The following SDC2 variants were observed in gnomAD, a reference collection of about 807,000 sequenced individuals.
SDC2 encodes the protein syndecan 2, also known as syndecan-2.
A neutral mutation model predicts 22.2 loss-of-function variants in SDC2; 13 were observed. The ratio of observed to expected loss-of-function variants is 0.59; its 90% CI spans 0.38 to 0.93. The LOEUF is 0.93. SDC2 is among the 40% of genes least tolerant of loss of function. The probability of loss-of-function intolerance (pLI) is 0.00; values close to 1 mark genes in which losing one functional copy is unlikely to be tolerated. For missense variants in SDC2, 235 were observed against 246.8 expected (o/e 0.95, Z 0.32); for synonymous variants, 94 against 92.8 (o/e 1.01, Z -0.07).
intron 1 of SDC2, among the ~76,000 whole-genome samples, chr8:96,506,589 A>C (rs1226954036): frequency 6.6e-6 from 1 of 151,942 alleles, no homozygotes; most frequent in Admixed American, 6.6e-5. Flanking sequence ...GCATTTTACT[A>C]CCTCAGCCTC....
chr8:96,554,991 C>T (rs887442483), intron 1 of SDC2, among the ~76,000 whole-genome samples: 3 of 152,002 alleles, frequency 2.0e-5, no homozygotes, highest in East Asian at 1.9e-4. Flanking sequence ...TTTCCTTCTT[C>T]GAATTTAAGC....
Position 96,545,980 on chromosome 8 carries a change from G to A in SDC2, c.61-47500G>A, listed in dbSNP as rs187343854. ...AATCCCCTGAGGTGATGCGTGCAGC[G>A]AGGCAACAGCAGTCAGGCTCTACAG... On this transcript the variant is annotated intron_variant, in intron 1 of 4. Coordinates refer to ENST00000302190, the MANE Select transcript of SDC2 (RefSeq NM_002998.4). Among the ~76,000 whole-genome samples, 11 of 152,346 alleles carry A rather than the reference G, an allele frequency of 7.2e-5. No individual in the cohort carries two copies. In the East Asian group the frequency reaches 1.5e-3, roughly 21 times the overall value.
chr8:96,573,151 T>C (rs1184506336), intron 1 of SDC2, among the ~76,000 whole-genome samples: 1 of 152,152 alleles, frequency 6.6e-6, no homozygotes, highest in Admixed American at 6.5e-5. Context: ...ACATGAACTA[T>C]TTCACGTTTT....
intron 1 of SDC2, among the ~76,000 whole-genome samples, chr8:96,557,022 A>G (rs1306652207): frequency 4.0e-5 from 6 of 150,900 alleles, no homozygotes; most frequent in Non-Finnish European, 8.9e-5. Context: ...ACACATGAAA[A>G]AATGCTCATC....
At chr8:96,578,827 A>G (rs1054266268) in intron 1 of SDC2, among the ~76,000 whole-genome samples, 2 of 152,220 alleles carry the variant, frequency 1.3e-5, no homozygotes, top group African/African-American at 2.4e-5. Flanking sequence ...AAGAAAAAGC[A>G]GGGGCCTTCT....
At chr8:96,530,643 A>G (rs1813646288) in intron 1 of SDC2, among the ~76,000 whole-genome samples, 1 of 152,190 alleles carries the variant, frequency 6.6e-6, no homozygotes, top group Non-Finnish European at 1.5e-5. Context: ...AAAACAAAAC[A>G]AAACGAAACA....
chr8:96,576,187 G>T (rs1313708455), intron 1 of SDC2, among the ~76,000 whole-genome samples: 1 of 151,876 alleles, frequency 6.6e-6, no homozygotes, highest in Admixed American at 6.6e-5. Context: ...CTTGTACCTG[G>T]TATGAAGGCG....
At position 96,494,267 on chromosome 8, in the gene SDC2, G is replaced by T; in HGVS notation, c.-5G>T. 6.5e-7 allele frequency: 1 copy of T among 1,545,010 alleles called. No individual in the cohort carries two copies. On this transcript the variant is annotated 5_prime_UTR_variant, in exon 1 of 5. Transcript: ENST00000302190. ...GCGGCTGGGAGCAGCCGGTCCCTGGGGAATATGCGGCGCGCGTGGATCCTG... is the reference window on the plus strand; with the variant it reads ...GCGGCTGGGAGCAGCCGGTCCCTGGTGAATATGCGGCGCGCGTGGATCCTG...
At chr8:96,582,583 A>G (rs1177063549) in intron 1 of SDC2, among the ~76,000 whole-genome samples, 8 of 152,224 alleles carry the variant, frequency 5.3e-5, no homozygotes, top group African/African-American at 1.9e-4. Flanking sequence ...TCTTCATTTA[A>G]AAAGTCCTCC....
At chr8:96,578,502 G>A (rs1814539910) in intron 1 of SDC2, among the ~76,000 whole-genome samples, 1 of 152,194 alleles carries the variant, frequency 6.6e-6, no homozygotes, top group Non-Finnish European at 1.5e-5. Context: ...CATTCAGAGA[G>A]AAGGATGGGA....
At chr8:96,502,623 A>G (rs1813183641) in intron 1 of SDC2, among the ~76,000 whole-genome samples, 1 of 152,138 alleles carries the variant, frequency 6.6e-6, no homozygotes, top group Non-Finnish European at 1.5e-5. Context: ...TCTCTAGAGC[A>G]CTTGAGCCTG....
At chr8:96,553,551 A>G (rs1586296193) in intron 1 of SDC2, among the ~76,000 whole-genome samples, 1 of 152,116 alleles carries the variant, frequency 6.6e-6, no homozygotes, top group East Asian at 1.9e-4. Flanking sequence ...GAGATAAGCT[A>G]AACTTATACC....
intron 1 of SDC2, among the ~76,000 whole-genome samples, chr8:96,537,730 G>T (rs753227242): frequency 2.0e-5 from 3 of 152,150 alleles, no homozygotes; most frequent in Non-Finnish European, 2.9e-5. Flanking sequence ...GTAGGCCCAT[G>T]AATATGAAGG....
chr8:96,605,081 T>A (rs773677930), intron 3 of SDC2, among the ~76,000 whole-genome samples: 26 of 152,206 alleles, frequency 1.7e-4, no homozygotes, highest in Non-Finnish European at 2.8e-4. Flanking sequence ...GCCTGCCGGA[T>A]CAGAGGCTGA....
chr8:96,530,535 G>A (rs1813644509), intron 1 of SDC2, among the ~76,000 whole-genome samples: 1 of 152,148 alleles, frequency 6.6e-6, no homozygotes, highest in Non-Finnish European at 1.5e-5. Context: ...TTGGGAGGCT[G>A]AGGCAGGAGA....
chr8:96,508,500 AG>A (rs1813283668), intron 1 of SDC2, among the ~76,000 whole-genome samples: 1 of 96,036 alleles, frequency 1.0e-5, no homozygotes, highest in Non-Finnish European at 2.8e-5. Context: ...CTCAAAAAAA[AG>A]AAAAAAAAAG....
At chr8:96,578,198 AGGT>A (rs1814534919) in intron 1 of SDC2, among the ~76,000 whole-genome samples, 1 of 152,238 alleles carries the variant, frequency 6.6e-6, no homozygotes, top group Non-Finnish European at 1.5e-5. Context: ...CAGCAAAGGT[AGGT>A]GGCTTTGATG....
At chr8:96,552,050 A>T (rs1370329735) in intron 1 of SDC2, among the ~76,000 whole-genome samples, 4 of 152,128 alleles carry the variant, frequency 2.6e-5, no homozygotes, top group Non-Finnish European at 5.9e-5. Flanking sequence ...GTAACACATC[A>T]CTTAGTTCTG....
intron 1 of SDC2, among the ~76,000 whole-genome samples, chr8:96,539,430 A>G (rs1410410819): frequency 1.3e-5 from 2 of 152,226 alleles, no homozygotes; most frequent in African/African-American, 2.4e-5. Context: ...GGATTTTATA[A>G]TATGTTGACT....
Sources: gnomAD v4.1 joint callset for allele counts (sites outside exome capture counted in the v4.1 genomes callset) on GRCh38, gnomAD v4.1.1 for gene constraint, MANE v1.5 for transcripts, NCBI Gene and HGNC (gene_info 2026-07-23, HGNC 2026-07-21) for gene names.